Variants in CPPED1 observed in about 807,000 individuals in gnomAD.
CPPED1 encodes calcineurin like phosphoesterase domain containing 1.
CPPED1 carries 28 observed loss-of-function variants against 28.0 expected under a neutral mutation model. The observed-to-expected ratio is 1.00, with a 90% CI of 0.74 to 1.37. The LOEUF is 1.37. Among genes scored for constraint, CPPED1 ranks in the 40% most tolerant of loss-of-function variants. CPPED1 has a pLI of 0.00. For missense variants in CPPED1, 504 were observed against 416.5 expected (o/e 1.21, Z -1.83); for synonymous variants, 198 against 180.2 (o/e 1.10, Z -0.79).
chr16:12,747,341 A>G (rs2080296217), intron 2 of CPPED1, among the ~76,000 whole-genome samples: 1 of 151,976 alleles, frequency 6.6e-6, no homozygotes, highest in Non-Finnish European at 1.5e-5. Flanking sequence ...CTGAGGTAGG[A>G]GGATTGATTG....
At chr16:12,786,790 G>A (rs994495522) in intron 1 of CPPED1, among the ~76,000 whole-genome samples, 1 of 152,168 alleles carries the variant, frequency 6.6e-6, no homozygotes, top group African/African-American at 2.4e-5. Flanking sequence ...ATGGTGGCAT[G>A]CGCCTGTAGT....
chr16:12,676,302 C>G (rs925374253), intron 3 of CPPED1, among the ~76,000 whole-genome samples: 1 of 152,138 alleles, frequency 6.6e-6, no homozygotes, highest in African/African-American at 2.4e-5. Context: ...TGGGATCAAC[C>G]ATTCCCAGCA....
chr16:12,698,658 T>C (rs947463977), intron 3 of CPPED1, among the ~76,000 whole-genome samples: 1 of 152,192 alleles, frequency 6.6e-6, no homozygotes, highest in Non-Finnish European at 1.5e-5. Context: ...CTTGAATTCC[T>C]GACTTCAAGT....
intron 2 of CPPED1, among the ~76,000 whole-genome samples, chr16:12,764,726 C>T (rs957388622): frequency 3.9e-5 from 6 of 152,218 alleles, no homozygotes; most frequent in African/African-American, 1.4e-4. Flanking sequence ...ACTCAACCAC[C>T]TCCCACCCTC....
chr16:12,702,456 T>C (rs1490446702), intron 3 of CPPED1, among the ~76,000 whole-genome samples: 2 of 152,018 alleles, frequency 1.3e-5, no homozygotes, highest in African/African-American at 4.8e-5. Context: ...GAAGATTGTT[T>C]AAGCCTAGGA....
chr16:12,686,106 T>C (rs1388781702), intron 3 of CPPED1, among the ~76,000 whole-genome samples: 1 of 152,232 alleles, frequency 6.6e-6, no homozygotes, highest in African/African-American at 2.4e-5. Flanking sequence ...GGGAGTTTCC[T>C]GTTCTGTACA....
At chr16:12,744,930 T>A (rs969842114) in intron 2 of CPPED1, among the ~76,000 whole-genome samples, 2 of 152,162 alleles carry the variant, frequency 1.3e-5, no homozygotes, top group African/African-American at 4.8e-5. Flanking sequence ...GAGGTTGCAG[T>A]GAGCTGAGAT....
rs188038007 is a variant in CPPED1 at position 12,708,405 on chromosome 16, T to G, written c.290-3356A>C. On this transcript the variant is annotated intron_variant, in intron 2 of 3. Transcript: ENST00000381774. Reference sequence around the variant, plus strand: ...CCTCAGGAATGGCTGTAAGAATTCCTACTAAGATAATGATGTCTAGAGTCT... The same window carrying G: ...CCTCAGGAATGGCTGTAAGAATTCCGACTAAGATAATGATGTCTAGAGTCT... 5.5e-3 allele frequency among the ~76,000 whole-genome samples: 835 copies of G among 152,288 alleles called. 5 individuals are homozygous for G. Among genetic ancestry groups the G allele is most frequent in the Middle Eastern group, 0.031 (9 of 294 alleles).
At chr16:12,737,494 C>T (rs937367705) in intron 2 of CPPED1, among the ~76,000 whole-genome samples, 4 of 152,194 alleles carry the variant, frequency 2.6e-5, no homozygotes, top group Admixed American at 2.6e-4. Context: ...CATGCAGGGA[C>T]CTGTCTGGAT....
At chr16:12,723,731 G>A (rs1273912641) in intron 2 of CPPED1, among the ~76,000 whole-genome samples, 3 of 152,176 alleles carry the variant, frequency 2.0e-5, no homozygotes, top group Admixed American at 1.3e-4. Flanking sequence ...CGGAGCAGCT[G>A]TGCTTCTCTT....
intron 2 of CPPED1, among the ~76,000 whole-genome samples, chr16:12,732,928 T>C (rs4483832): frequency 0.51 from 78,048 of 152,012 alleles, 20,768 homozygotes; most frequent in Admixed American, 0.61. Flanking sequence ...GAAGCACAGA[T>C]GGTTCCTAGA....
Position 12,770,257 on chromosome 16 carries a change from C to G in CPPED1, c.289+10928G>C, listed in dbSNP as rs145892740. 3.2e-3 allele frequency among the ~76,000 whole-genome samples: 482 copies of G among 152,258 alleles called. 1 individual carries two copies. The highest frequency in any genetic ancestry group is 4.9e-3 in the Non-Finnish European group (331 of 68,030). On this transcript the variant is annotated intron_variant, in intron 2 of 3. Coordinates refer to ENST00000381774, the MANE Select transcript of CPPED1 (RefSeq NM_018340.3). ...AAATGGCGCTGAGGCAGATTCTAAACCCAGGCAACCCTCTTGGACTTCAAG... is the reference window on the plus strand; with the variant it reads ...AAATGGCGCTGAGGCAGATTCTAAAGCCAGGCAACCCTCTTGGACTTCAAG...
At chr16:12,778,691 T>C (rs2080512553) in intron 2 of CPPED1, among the ~76,000 whole-genome samples, 1 of 152,386 alleles carries the variant, frequency 6.6e-6, no homozygotes, top group African/African-American at 2.4e-5. Flanking sequence ...AAATAATTAC[T>C]TTCTAGTGTC....
rs1079195 is a variant in CPPED1 at position 12,682,618 on chromosome 16, T to C, written c.716-17503A>G. 0.033 allele frequency among the ~76,000 whole-genome samples: 5,088 copies of C among 152,072 alleles called. 300 individuals carry two copies. Among genetic ancestry groups the C allele is most frequent in the African/African-American group, 0.12 (4,817 of 41,464 alleles). On this transcript the variant is annotated intron_variant, in intron 3 of 3. Coordinates refer to ENST00000381774, the MANE Select transcript of CPPED1 (RefSeq NM_018340.3). The surrounding 1 kb of genome is among the most constrained non-coding windows in gnomAD (Gnocchi z 6.1). ...TGGAAGGCAAGACTAGTATCAACCATCCCCAGGGCCACTGGGAAGATAAGT... is the reference window on the plus strand; with the variant it reads ...TGGAAGGCAAGACTAGTATCAACCACCCCCAGGGCCACTGGGAAGATAAGT...
chr16:12,727,052 C>T (rs767806536), intron 2 of CPPED1, among the ~76,000 whole-genome samples: 1 of 152,068 alleles, frequency 6.6e-6, no homozygotes, highest in Non-Finnish European at 1.5e-5. Context: ...GTCAAGGAAC[C>T]GTTGACTAAG....
chr16:12,739,342 G>A (rs2080242540), intron 2 of CPPED1, among the ~76,000 whole-genome samples: 1 of 152,148 alleles, frequency 6.6e-6, no homozygotes, highest in South Asian at 2.1e-4. Flanking sequence ...CACTTTGGGA[G>A]GCTGAGGCGG....
At chr16:12,756,930 A>G (rs2080373340) in intron 2 of CPPED1, among the ~76,000 whole-genome samples, 1 of 152,190 alleles carries the variant, frequency 6.6e-6, no homozygotes, top group Non-Finnish European at 1.5e-5. Flanking sequence ...TGATGTCAAC[A>G]ACTTTCCACA....
In CPPED1 at chr16:12,794,296, C is replaced by T. The variant is rs150300202; in HGVS notation, c.70+9411G>A. On this transcript the variant is annotated intron_variant, in intron 1 of 3. Coordinates refer to ENST00000381774, the MANE Select transcript of CPPED1 (RefSeq NM_018340.3). The stretch of plus-strand genomic sequence containing the variant: ...TGATGGTTGTACACCTCTGTGAATA[C>T]ACTAAAAGCCACTGAATTGTACACA... 5.5e-4 allele frequency among the ~76,000 whole-genome samples: 84 copies of T among 152,050 alleles called. No individual in the cohort carries two copies. The East Asian group carries it at 0.015, about 28-fold the overall frequency.
At chr16:12,768,552 C>G (rs954957866) in intron 2 of CPPED1, among the ~76,000 whole-genome samples, 4 of 152,136 alleles carry the variant, frequency 2.6e-5, no homozygotes, top group Non-Finnish European at 5.9e-5. Flanking sequence ...ACATGTTGAC[C>G]ATGAAAAGGT....
Sources: gnomAD v4.1 joint callset for allele counts (sites outside exome capture counted in the v4.1 genomes callset) on GRCh38, gnomAD v4.1.1 for gene constraint, Gnocchi (gnomAD v3.1) non-coding constraint, MANE v1.5 for transcripts, NCBI Gene and HGNC (gene_info 2026-07-23, HGNC 2026-07-21) for gene names.